Variants in AP3B1 observed in about 807,000 individuals in gnomAD.
AP3B1 encodes adaptor related protein complex 3 subunit beta 1.
In AP3B1, 61 loss-of-function variants were observed where a neutral mutation model predicts 132.5. The ratio of observed to expected loss-of-function variants is 0.46; its 90% CI spans 0.37 to 0.57. The LOEUF (loss-of-function observed/expected upper bound fraction) is 0.57. Ranked by LOEUF, AP3B1 falls within the 20% of genes least tolerant of loss-of-function variation. The pLI is 0.00. For synonymous variants in AP3B1, 388 were observed against 438.3 expected (o/e 0.89, Z 1.43); for missense variants, 1,120 against 1,289.4 (o/e 0.87, Z 2.01).
chr5:78,237,761 C>T (rs1746942875), intron 3 of AP3B1, among the ~76,000 whole-genome samples: 2 of 152,104 alleles, frequency 1.3e-5, no homozygotes, highest in South Asian at 4.1e-4. Flanking sequence ...TGTAGTGAGC[C>T]AAGATCGTGC....
intron 3 of AP3B1, among the ~76,000 whole-genome samples, chr5:78,235,181 T>C (rs1267899285): frequency 6.6e-6 from 1 of 152,196 alleles, no homozygotes; most frequent in Non-Finnish European, 1.5e-5. Flanking sequence ...AAATATTCTT[T>C]TAAAATATTC....
intron 24 of AP3B1, among the ~76,000 whole-genome samples, chr5:78,029,426 A>G (rs1268413703): frequency 1.3e-5 from 2 of 151,866 alleles, no homozygotes; most frequent in Non-Finnish European, 2.9e-5. Flanking sequence ...CACTTCATCT[A>G]TCTAATCTCA....
At chr5:78,244,144 G>C (rs530545003) in intron 2 of AP3B1, among the ~76,000 whole-genome samples, 2 of 152,008 alleles carry the variant, frequency 1.3e-5, no homozygotes, top group African/African-American at 2.4e-5. Context: ...CTGTAATCCC[G>C]GCACTTTGGG....
chr5:78,147,969 G>A (rs1434185837), intron 14 of AP3B1, among the ~76,000 whole-genome samples: 1 of 151,976 alleles, frequency 6.6e-6, no homozygotes, highest in Non-Finnish European at 1.5e-5. Context: ...GGAGGTGGAG[G>A]TTGCAGTGAG....
At chr5:78,126,297 G>A (rs1358009162) in intron 17 of AP3B1, among the ~76,000 whole-genome samples, 1 of 151,796 alleles carries the variant, frequency 6.6e-6, no homozygotes, top group African/African-American at 2.4e-5. Context: ...TTGAGGTCAC[G>A]AGTTTGAGAC....
At chr5:78,222,720 C>A in intron 6 of AP3B1, among the ~76,000 whole-genome samples, 1 of 150,276 alleles carries the variant, frequency 6.7e-6, no homozygotes, top group African/African-American at 2.4e-5. Context: ...ATTTATCACT[C>A]AAAAAAAATC....
At chr5:78,280,049 G>T (rs1748984078) in intron 1 of AP3B1, among the ~76,000 whole-genome samples, 3 of 144,484 alleles carry the variant, frequency 2.1e-5, no homozygotes, top group African/African-American at 7.6e-5. Flanking sequence ...CTCCAGCCTG[G>T]GCGACAGGGT....
At chr5:78,030,339 A>G (rs1747523025) in intron 24 of AP3B1, among the ~76,000 whole-genome samples, 1 of 152,198 alleles carries the variant, frequency 6.6e-6, no homozygotes, top group Non-Finnish European at 1.5e-5. Context: ...ATTACAGCAT[A>G]TCTTTGAGTA....
At chr5:78,094,014 A>G (rs767585780) in intron 21 of AP3B1, among the ~76,000 whole-genome samples, 2 of 152,244 alleles carry the variant, frequency 1.3e-5, no homozygotes, top group African/African-American at 4.8e-5. Context: ...ATCACATATC[A>G]TAAGGCTTAT....
intron 7 of AP3B1, among the ~76,000 whole-genome samples, chr5:78,200,025 G>A (rs1044167805): frequency 2.0e-5 from 3 of 152,012 alleles, no homozygotes; most frequent in Non-Finnish European, 4.4e-5. Flanking sequence ...ACCAGTAGAA[G>A]ACAAAGCCAA....
chr5:78,144,180 T>C (rs1753284322), intron 14 of AP3B1, among the ~76,000 whole-genome samples: 2 of 152,174 alleles, frequency 1.3e-5, no homozygotes, highest in Non-Finnish European at 2.9e-5. Context: ...TATGAAGCTC[T>C]GCTTTTCAAT....
At chr5:78,166,117 T>TCTCTCACACA (rs1491469232) in intron 11 of AP3B1, among the ~76,000 whole-genome samples, 3 of 135,838 alleles carry the variant, frequency 2.2e-5, no homozygotes, top group African/African-American at 8.5e-5. Flanking sequence ...TGAAACTCTG[T>TCTCTCACACA]CACACACACA....
At chr5:78,125,533 G>A (rs1292778407) in intron 17 of AP3B1, among the ~76,000 whole-genome samples, 1 of 151,978 alleles carries the variant, frequency 6.6e-6, no homozygotes, top group Non-Finnish European at 1.5e-5. Flanking sequence ...AAGATAATAC[G>A]GACATTATTT....
At chr5:78,238,595 GGTAA>G (rs1240450536) in intron 3 of AP3B1, among the ~76,000 whole-genome samples, 3 of 151,834 alleles carry the variant, frequency 2.0e-5, no homozygotes, top group South Asian at 4.2e-4. Flanking sequence ...ATCACACAAT[GGTAA>G]GTATTTGTGT....
chr5:78,277,686 G>A (rs1444672629), intron 1 of AP3B1, among the ~76,000 whole-genome samples: 1 of 152,020 alleles, frequency 6.6e-6, no homozygotes, highest in African/African-American at 2.4e-5. Context: ...GCTGAAGCAG[G>A]TTACATTCCT....
At chr5:78,270,084 G>C (rs568505336) in intron 1 of AP3B1, among the ~76,000 whole-genome samples, 94 of 151,988 alleles carry the variant, frequency 6.2e-4, no homozygotes, top group Non-Finnish European at 1.1e-3. Flanking sequence ...AGCTAATTTT[G>C]TATTTTAAGT....
chr5:78,175,876 C>T (rs767224867), intron 9 of AP3B1, 38 bp from the exon 10 acceptor site: 14 of 1,449,642 alleles, frequency 9.7e-6, no homozygotes, highest in African/African-American at 1.4e-5. Flanking sequence ...GGTATATGTT[C>T]CAATGAAACA....
At chr5:78,121,788 C>A (rs936990600) in intron 17 of AP3B1, 2 of 152,224 alleles carry the variant, frequency 1.3e-5, no homozygotes, top group Non-Finnish European at 2.9e-5. Flanking sequence ...TGGTACCATT[C>A]CTTCTGAAAC....
At chr5:78,033,996 TTAA>T (rs1221550932) in intron 24 of AP3B1, among the ~76,000 whole-genome samples, 2 of 151,984 alleles carry the variant, frequency 1.3e-5, no homozygotes, top group Non-Finnish European at 2.9e-5. Context: ...TCTGAGCTAT[TTAA>T]TAATATTATT....
Sources: allele counts gnomAD v4.1 joint callset (sites outside exome capture counted in the v4.1 genomes callset), GRCh38; gene constraint gnomAD v4.1.1; transcripts MANE v1.5; gene names NCBI Gene and HGNC (gene_info 2026-07-23, HGNC 2026-07-21).